Variants in PRR33 observed in about 807,000 individuals in gnomAD.
PRR33 encodes proline-rich protein 33.
A neutral mutation model predicts 0.5 loss-of-function variants in PRR33; 1 was observed. That is an observed-to-expected ratio of 2.18 (90% confidence interval 0.77 to 10.34). The LOEUF (loss-of-function observed/expected upper bound fraction) is 10.34. Ranked by LOEUF, PRR33 falls within the 30% of genes most tolerant of loss-of-function variation. The pLI is 0.13. For missense variants in PRR33, 552 were observed against 251.8 expected, an observed-to-expected ratio of 2.19 and a Z score of -8.07; for synonymous variants, 226 against 110.0, an observed-to-expected ratio of 2.06 and a Z score of -6.60.
chr11:1,898,167 G>T, the PRR33 span, among the ~76,000 whole-genome samples: 1 of 151,934 alleles, frequency 6.6e-6, no homozygotes, highest in Non-Finnish European at 1.5e-5. Flanking sequence ...TTTAGCAAGA[G>T]AATTTAAAGA....
At chr11:1,916,219 G>A in the PRR33 span, among the ~76,000 whole-genome samples, 2 of 152,094 alleles carry the variant, frequency 1.3e-5, no homozygotes, top group African/African-American at 4.8e-5. Context: ...CAGCCCTGCA[G>A]CCTTCAGCGT....
chr11:1,893,091 G>A (rs142328319), upstream of PRR33, among the ~76,000 whole-genome samples: 170 of 142,920 alleles, frequency 1.2e-3, 3 homozygotes, highest in East Asian at 0.029. Context: ...GGGTGGGTGA[G>A]TGGAGGGATG....
rs892346460 is a variant in PRR33 at position 1,889,232 on chromosome 11, C to T, written c.1353G>A (p.Arg451=). 5.0e-5 allele frequency: 34 copies of T among 674,026 alleles called. No homozygotes were observed. In the Admixed American group the frequency reaches 7.3e-4, roughly 15 times the overall value. 41.8% of individuals were successfully genotyped at this position (674,026 alleles called of 1,614,324 possible). A position where few individuals can be genotyped will look rare whatever the true frequency, so the allele number is the denominator to read the frequency against. ...GGATGGAGCGGACTGTGGGAGGGGG[C>T]CGGGTGGCCTCCTGCAGCTTCCGGG... Residue 451 remains arginine, a synonymous_variant, in exon 1 of 1, where the codon CGG becomes CGA. Transcript: ENST00000640310.
At chr11:1,906,922 C>G in the PRR33 span, among the ~76,000 whole-genome samples, 1 of 152,214 alleles carries the variant, frequency 6.6e-6, no homozygotes, top group Non-Finnish European at 1.5e-5. Context: ...TGCCTGGAGA[C>G]CCCCAGCTCT....
the PRR33 span, among the ~76,000 whole-genome samples, chr11:1,915,516 A>T: frequency 9.4e-6 from 1 of 106,586 alleles, no homozygotes; most frequent in Non-Finnish European, 1.8e-5. Flanking sequence ...GTGGGGTCAC[A>T]CACCTGGGAT....
chr11:1,913,856 C>A, the PRR33 span, among the ~76,000 whole-genome samples: 1 of 152,280 alleles, frequency 6.6e-6, no homozygotes, highest in Non-Finnish European at 1.5e-5. Flanking sequence ...ACTGGGATCG[C>A]GGACTCCTTT....
At chr11:1,914,425 C>CTGTGTG in the PRR33 span, among the ~76,000 whole-genome samples, 55 of 145,388 alleles carry the variant, frequency 3.8e-4, no homozygotes, top group African/African-American at 1.4e-3. Context: ...TGATGTTTCT[C>CTGTGTG]TGTGTGTGTG....
chr11:1,903,511 T>G, the PRR33 span, among the ~76,000 whole-genome samples: 1 of 152,198 alleles, frequency 6.6e-6, no homozygotes, highest in Non-Finnish European at 1.5e-5. Flanking sequence ...TTTTAGAAGC[T>G]TCTTCACATC....
At chr11:1,901,483 T>C in the PRR33 span, among the ~76,000 whole-genome samples, 1 of 152,208 alleles carries the variant, frequency 6.6e-6, no homozygotes, top group Admixed American at 6.5e-5. Flanking sequence ...ATCTTACAGA[T>C]TTCAGAAAGA....
chr11:1,915,595 TTGTA>T, the PRR33 span, among the ~76,000 whole-genome samples: 1 of 41,398 alleles, frequency 2.4e-5, no homozygotes, highest in African/African-American at 1.0e-4. Context: ...GGGATATTAT[TTGTA>T]TGTGTGTGTG....
At chr11:1,890,798 T>C (rs977169414) in exon 1 of PRR33, 67 of 587,906 alleles carry the variant, frequency 1.1e-4, no homozygotes, top group Non-Finnish European at 2.0e-4. Flanking sequence ...CACCCTAGTG[T>C]AGAAATGAGG....
the PRR33 span, among the ~76,000 whole-genome samples, chr11:1,910,273 G>A: frequency 3.3e-5 from 5 of 151,930 alleles, no homozygotes; most frequent in Admixed American, 6.6e-5. Flanking sequence ...TTTTTGAGAC[G>A]GAGTCTCGCT....
At chr11:1,915,139 C>CTGTGTGTGTGTGTG in the PRR33 span, among the ~76,000 whole-genome samples, 130 of 128,596 alleles carry the variant, frequency 1.0e-3, no homozygotes, top group Non-Finnish European at 1.6e-3. Flanking sequence ...GATGATGTTT[C>CTGTGTGTGTGTGTG]TGTGTGTGTG....
the PRR33 span, among the ~76,000 whole-genome samples, chr11:1,898,570 C>T: frequency 6.6e-6 from 1 of 152,030 alleles, no homozygotes; most frequent in Non-Finnish European, 1.5e-5. Flanking sequence ...TCATTTACTC[C>T]AAACCATGGA....
At chr11:1,915,087 T>C in the PRR33 span, among the ~76,000 whole-genome samples, 1 of 148,802 alleles carries the variant, frequency 6.7e-6, no homozygotes, top group Non-Finnish European at 1.5e-5. Context: ...ACACCTGGGA[T>C]GTTTCTCTGT....
the PRR33 span, among the ~76,000 whole-genome samples, chr11:1,909,482 G>C: frequency 6.6e-6 from 1 of 151,968 alleles, no homozygotes; most frequent in African/African-American, 2.4e-5. Flanking sequence ...GTGGTGGCAC[G>C]CGCCTGTAAT....
chr11:1,909,408 C>G, the PRR33 span, among the ~76,000 whole-genome samples: 5 of 151,724 alleles, frequency 3.3e-5, no homozygotes, highest in Admixed American at 6.6e-5. Context: ...GTCAGGAGAT[C>G]GAGACCATCC....
At chr11:1,908,523 C>T in the PRR33 span, among the ~76,000 whole-genome samples, 1 of 151,942 alleles carries the variant, frequency 6.6e-6, no homozygotes, top group Non-Finnish European at 1.5e-5. Flanking sequence ...TTCAAGAGGA[C>T]CGTCGCTAAG....
At chr11:1,909,030 G>C in the PRR33 span, among the ~76,000 whole-genome samples, 1 of 152,168 alleles carries the variant, frequency 6.6e-6, no homozygotes, top group Non-Finnish European at 1.5e-5. Flanking sequence ...TTCAAACTAT[G>C]CCAGTAGGCA....
Sources: allele counts gnomAD v4.1 joint callset (sites outside exome capture counted in the v4.1 genomes callset), GRCh38; gene constraint gnomAD v4.1.1; transcripts MANE v1.5; gene names NCBI Gene and HGNC (gene_info 2026-07-23, HGNC 2026-07-21).